The following LINGO2 variants were observed in gnomAD, a reference collection of about 807,000 sequenced individuals.
LINGO2 encodes leucine-rich repeat and immunoglobulin-like domain-containing nogo receptor-interacting protein 2.
In LINGO2, 14 loss-of-function variants were observed where a neutral mutation model predicts 30.6. The observed-to-expected ratio is 0.46, with a 90% CI of 0.30 to 0.72. LINGO2 has a LOEUF of 0.72. Among genes scored for constraint, LINGO2 ranks in the 30% least tolerant of loss-of-function variants. The pLI, the probability that LINGO2 is intolerant of heterozygous loss-of-function variation, is 0.07. For synonymous variants in LINGO2, 317 were observed against 288.5 expected (o/e 1.10, Z -1.00); for missense variants, 729 against 751.7 (o/e 0.97, Z 0.35).
the LINGO2 span, among the ~76,000 whole-genome samples, chr9:29,033,361 T>C: frequency 1.4e-5 from 2 of 147,086 alleles, no homozygotes; most frequent in Admixed American, 6.9e-5. Flanking sequence ...TGTGTGATTC[T>C]ATATAAAACT....
chr9:28,829,070 C>T, the LINGO2 span, among the ~76,000 whole-genome samples: 5 of 152,100 alleles, frequency 3.3e-5, no homozygotes, highest in Non-Finnish European at 5.9e-5. Flanking sequence ...GCCATAAAAA[C>T]CCCCAGGACC....
chr9:28,204,579 T>C lies in LINGO2; in HGVS notation c.-87+90629A>G, dbSNP rs73445977. On this transcript the variant is annotated intron_variant, in intron 4 of 5. Coordinates refer to ENST00000379992, the Ensembl canonical transcript of LINGO2. The stretch of plus-strand genomic sequence containing the variant: ...TCCCTAGGCATATCTTGTATGTGCC[T>C]GGTGTATGGGAGTAACATTGATTGA... Among the ~76,000 whole-genome samples the C allele has an allele frequency of 7.5e-3, 1,149 of 152,310 alleles. 9 individuals are homozygous for C. The highest frequency in any genetic ancestry group is 0.027 in the African/African-American group (1,106 of 41,574).
chr9:28,205,702 T>A (rs1820385874), intron 4 of LINGO2, among the ~76,000 whole-genome samples: 2 of 152,212 alleles, frequency 1.3e-5, no homozygotes, highest in Admixed American at 1.3e-4. Context: ...GTGACAGAAA[T>A]ATTCTAGTCA....
At chr9:28,753,272 C>A in the LINGO2 span, among the ~76,000 whole-genome samples, 1 of 151,988 alleles carries the variant, frequency 6.6e-6, no homozygotes, top group Non-Finnish European at 1.5e-5. Flanking sequence ...AATGCTTCTC[C>A]AAAATCTTCC....
At chr9:28,920,453 G>A in the LINGO2 span, among the ~76,000 whole-genome samples, 4 of 151,864 alleles carry the variant, frequency 2.6e-5, no homozygotes, top group Non-Finnish European at 5.9e-5. Flanking sequence ...ATTCCCTCAG[G>A]ATTTCATTTT....
At chr9:28,440,063 T>C (rs1266719758) in intron 2 of LINGO2, among the ~76,000 whole-genome samples, 1 of 152,208 alleles carries the variant, frequency 6.6e-6, no homozygotes, top group East Asian at 1.9e-4. Context: ...TCCTGACTGA[T>C]ACAATCCTTA....
intron 5 of LINGO2, among the ~76,000 whole-genome samples, chr9:28,009,479 T>A (rs1313034977): frequency 6.6e-6 from 1 of 151,918 alleles, no homozygotes; most frequent in East Asian, 1.9e-4. Flanking sequence ...AAATATATAA[T>A]AAAAACTTGT....
chr9:28,184,839 G>C (rs1819484485), intron 4 of LINGO2, among the ~76,000 whole-genome samples: 1 of 152,152 alleles, frequency 6.6e-6, no homozygotes, highest in Admixed American at 6.6e-5. Context: ...GAAAACATCT[G>C]CTGCTTTTTC....
the LINGO2 span, among the ~76,000 whole-genome samples, chr9:28,724,418 C>CATTA: frequency 2.0e-5 from 3 of 152,138 alleles, no homozygotes; most frequent in African/African-American, 7.2e-5. Context: ...ACTCATTCAG[C>CATTA]AACCTGCATT....
the LINGO2 span, among the ~76,000 whole-genome samples, chr9:28,892,096 T>C: frequency 2.0e-5 from 3 of 151,956 alleles, no homozygotes; most frequent in African/African-American, 7.2e-5. Flanking sequence ...ACTATGTTCA[T>C]AAAGTATACT....
chr9:28,212,655 T>C (rs1820631827), intron 4 of LINGO2, among the ~76,000 whole-genome samples: 1 of 151,442 alleles, frequency 6.6e-6, no homozygotes, highest in African/African-American at 2.4e-5. Flanking sequence ...CATTGATCAA[T>C]ACAGTAGCTT....
chr9:29,106,061 T>C, the LINGO2 span, among the ~76,000 whole-genome samples: 1 of 152,192 alleles, frequency 6.6e-6, no homozygotes, highest in African/African-American at 2.4e-5. Flanking sequence ...AGGTATTAAA[T>C]TTATGTTTCT....
the LINGO2 span, chr9:27,940,672 A>G: frequency 2.0e-5 from 3 of 152,250 alleles, no homozygotes; most frequent in Non-Finnish European, 1.5e-5. Context: ...CCATCTAGCA[A>G]GGGCAGTATG....
chr9:28,280,949 C>A (rs1032170517), intron 4 of LINGO2, among the ~76,000 whole-genome samples: 1 of 152,114 alleles, frequency 6.6e-6, no homozygotes, highest in Non-Finnish European at 1.5e-5. Context: ...ACCCTAACAC[C>A]TGTTTGTTTT....
exon 6 of LINGO2, chr9:27,950,283 T>C: frequency 6.2e-7 from 1 of 1,614,088 alleles, no homozygotes; most frequent in Non-Finnish European, 8.5e-7. Context: ...CTTAGTGAGA[T>C]TGGACAGCCC....
the LINGO2 span, among the ~76,000 whole-genome samples, chr9:29,139,993 T>G: frequency 6.6e-6 from 1 of 152,148 alleles, no homozygotes; most frequent in South Asian, 2.1e-4. Context: ...CAAAAATCTC[T>G]ATTGAAATTT....
At chr9:28,277,539 C>G (rs1157531288) in intron 4 of LINGO2, among the ~76,000 whole-genome samples, 1 of 152,150 alleles carries the variant, frequency 6.6e-6, no homozygotes, top group African/African-American at 2.4e-5. Context: ...TGCAGTAGCT[C>G]ATGACTGTAA....
intron 3 of LINGO2, among the ~76,000 whole-genome samples, chr9:28,348,741 A>G (rs1403989711): frequency 6.6e-6 from 1 of 151,750 alleles, no homozygotes; most frequent in African/African-American, 2.4e-5. Flanking sequence ...GCAGACTTAA[A>G]TGTCCCTGTC....
At chr9:29,045,460 A>G in the LINGO2 span, among the ~76,000 whole-genome samples, 1 of 152,102 alleles carries the variant, frequency 6.6e-6, no homozygotes, top group African/African-American at 2.4e-5. Context: ...AAAGCACAAA[A>G]TATTTTCTAT....
Sources: allele counts gnomAD v4.1 joint callset (sites outside exome capture counted in the v4.1 genomes callset), GRCh38; gene constraint gnomAD v4.1.1; transcripts MANE v1.5; gene names NCBI Gene and HGNC (gene_info 2026-07-23, HGNC 2026-07-21).